The following CPNE9 variants were observed in gnomAD, a reference collection of about 807,000 sequenced individuals.
The protein encoded by CPNE9 is copine-9.
CPNE9 carries 59 observed loss-of-function variants against 83.0 expected under a neutral mutation model. The observed-to-expected ratio is 0.71, with a 90% CI of 0.58 to 0.88. CPNE9 has a LOEUF of 0.88. Ranked by LOEUF, CPNE9 falls within the 40% of genes least tolerant of loss-of-function variation. CPNE9 has a pLI of 0.00. For missense variants in CPNE9, 619 were observed against 720.8 expected (o/e 0.86, Z 1.62); for synonymous variants, 256 against 273.4 (o/e 0.94, Z 0.63).
chr3:9,715,432 T>G, intron 12 of CPNE9, 41 bp from the exon 13 acceptor site: 1 of 1,612,476 alleles, frequency 6.2e-7, no homozygotes, highest in Non-Finnish European at 8.5e-7. Context: ...TGGACCTCCC[T>G]TCCTTTGTTT....
intron 7 of CPNE9, 74 bp downstream of exon 7, chr3:9,706,137 T>G: frequency 1.4e-6 from 2 of 1,456,546 alleles, no homozygotes; most frequent in Non-Finnish European, 1.9e-6. Context: ...TGCCGCTGAC[T>G]GATAGAAGTG....
chr3:9,711,491 A>G (rs1294498934), intron 7 of CPNE9, among the ~76,000 whole-genome samples: 1 of 152,176 alleles, frequency 6.6e-6, no homozygotes, highest in African/African-American at 2.4e-5. Flanking sequence ...TGCTGGGATT[A>G]TAGGCGTGAG....
At chr3:9,714,865 C>G (rs2125467294) in intron 10 of CPNE9, 49 bp from the exon 11 acceptor site, 1 of 1,515,052 alleles carries the variant, frequency 6.6e-7, no homozygotes, top group African/African-American at 1.4e-5. Flanking sequence ...GAGGGTGTCT[C>G]TGGGATTTAT....
intron 6 of CPNE9, 117 bp downstream of exon 6, chr3:9,705,837 C>G (rs1444941174): frequency 8.8e-6 from 12 of 1,358,076 alleles, no homozygotes; most frequent in Middle Eastern, 1.8e-4. Flanking sequence ...TCTTTCACAC[C>G]CCCTCCATTA....
Position 9,704,684 on chromosome 3 carries a change from G to C in CPNE9, c.109+57G>C. On this transcript the variant is annotated intron_variant, in intron 2 of 20. Coordinates refer to ENST00000383832, the MANE Select transcript of CPNE9 (RefSeq NM_153635.3). This position sits in a 1 kb window ranked among gnomAD's most constrained non-coding sequence, Gnocchi z 7.1. ...TGGGGTCTGGGCGCGACTCAGGGGC[G>C]GGTGGAGTCGGGGCCAGGGGTGGGA... The C allele has an allele frequency of 6.2e-7, 1 of 1,609,006 alleles. No individual in the cohort carries two copies. Among genetic ancestry groups the C allele is most frequent in the East Asian group, 2.2e-5 (1 of 44,844 alleles).
chr3:9,716,067 C>T, intron 14 of CPNE9, 32 bp downstream of exon 14: 1 of 1,585,580 alleles, frequency 6.3e-7, no homozygotes, highest in Non-Finnish European at 8.6e-7. Context: ...GGGCTGAAAG[C>T]CCGGCAATAA....
At position 9,707,076 on chromosome 3, in the gene CPNE9, A is replaced by G. The variant is rs147568466; in HGVS notation, c.377+1013A>G. ...GGGTTAAGAATAAACCTTGGGGGCCAGGCGCGGTGGCTCACACCTGTAATC... is the reference window on the plus strand; with the variant it reads ...GGGTTAAGAATAAACCTTGGGGGCCGGGCGCGGTGGCTCACACCTGTAATC... On this transcript the variant is annotated intron_variant, in intron 7 of 20. Transcript: ENST00000383832. Among the ~76,000 whole-genome samples the G allele has an allele frequency of 6.0e-4, 91 of 152,226 alleles. 1 individual carries two copies. Among genetic ancestry groups the G allele is most frequent in the African/African-American group, 1.9e-3 (78 of 41,532 alleles).
intron 16 of CPNE9, 88 bp from the exon 17 acceptor site, chr3:9,718,387 A>C: frequency 3.9e-6 from 6 of 1,529,088 alleles, no homozygotes; most frequent in Non-Finnish European, 4.5e-6. Flanking sequence ...AAAGGGACTG[A>C]TGGAAAAAGG....
intron 4 of CPNE9, 107 bp downstream of exon 4, chr3:9,705,101 G>C: frequency 1.2e-6 from 1 of 822,240 alleles, no homozygotes; most frequent in Non-Finnish European, 2.0e-6. Flanking sequence ...TCTTCTCGCA[G>C]GCCTCCCTCC....
chr3:9,708,170 T>C (rs2076582881), intron 7 of CPNE9, among the ~76,000 whole-genome samples: 1 of 152,222 alleles, frequency 6.6e-6, no homozygotes. Flanking sequence ...CAGGCTGGTC[T>C]TGAACTCCTG....
Position 9,717,118 on chromosome 3 carries a change from G to T in CPNE9, c.931+14G>T, listed in dbSNP as rs766533470. On this transcript the variant is annotated intron_variant, in intron 15 of 20. Coordinates refer to ENST00000383832, the MANE Select transcript of CPNE9 (RefSeq NM_153635.3). Reference sequence around the variant, plus strand: ...CGGCTTCCAATGGTGAGACACGGATGAGTGAAAAAGTCGGAGGTGGGAAGG... The same window carrying T: ...CGGCTTCCAATGGTGAGACACGGATTAGTGAAAAAGTCGGAGGTGGGAAGG... 2 of 1,613,974 alleles carry T rather than the reference G, an allele frequency of 1.2e-6. No individual in the cohort carries two copies. Among genetic ancestry groups the T allele is most frequent in the African/African-American group, 2.7e-5 (2 of 74,926 alleles).
In CPNE9 at chr3:9,719,377, G is replaced by A. The variant is rs564450446; in HGVS notation, c.1241+775G>A. On this transcript the variant is annotated intron_variant, in intron 17 of 20. Coordinates refer to ENST00000383832, the MANE Select transcript of CPNE9 (RefSeq NM_153635.3). ...CCACTGCCTGAGAATGACAAGCTGG[G>A]GCTTGAGTTTGGGTAAGAGAGAGAA... 3.1e-4 allele frequency among the ~76,000 whole-genome samples: 47 copies of A among 152,196 alleles called. 1 individual carries two copies. The South Asian group carries it at 9.7e-3, about 32-fold the overall frequency.
In CPNE9 at chr3:9,712,765, AG is replaced by A. The variant is rs1249941232; in HGVS notation, c.483del (p.Lys162ArgfsTer31). 3.1e-6 allele frequency: 5 copies of A among 1,614,052 alleles called. No homozygotes were observed. Among genetic ancestry groups the A allele is most frequent in the Admixed American group, 1.7e-5 (1 of 60,000 alleles). Reference protein sequence around the residue: ...TMQLCANKLDKKDFFGKSDPF... With the variant: ...TMQLCANKLDXKDFFGKSDPF... Reference sequence around the variant, plus strand: ...CAGCTGTGTGCAAACAAGCTGGACAAGAAGGACTTCTTTGGGAAATCAGACC... The same window carrying A: ...CAGCTGTGTGCAAACAAGCTGGACAAAAGGACTTCTTTGGGAAATCAGACC... On this transcript the variant is annotated frameshift_variant, in exon 9 of 21. Transcript: ENST00000383832. LOFTEE classifies it high-confidence loss of function.
intron 20 of CPNE9, among the ~76,000 whole-genome samples, chr3:9,728,759 C>T (rs376707679): frequency 1.3e-5 from 2 of 151,752 alleles, no homozygotes; most frequent in Non-Finnish European, 1.5e-5. Context: ...CCTCTCCCCC[C>T]ACATCTCATT....
In CPNE9 at chr3:9,729,658, ACC is replaced by A. The variant is rs778068265; in HGVS notation, c.1631_1632del (p.Pro544GlnfsTer31). ...CAGCCTCGGCCCCCACCCCCTGCCA[ACC>A]CCAGCCCGATCCCAGCTCCAGAGCA... On this transcript the variant is annotated frameshift_variant, in exon 21 of 21. Transcript: ENST00000383832. LOFTEE classifies it high-confidence loss of function. 3.1e-5 allele frequency: 50 copies of A among 1,613,726 alleles called. No individual in the cohort carries two copies. The highest frequency in any genetic ancestry group is 4.0e-5 in the Non-Finnish European group (47 of 1,179,860).
chr3:9,707,287 A>G lies in CPNE9; in HGVS notation c.377+1224A>G, dbSNP rs146184660. Among the ~76,000 whole-genome samples the G allele has an allele frequency of 9.9e-4, 134 of 135,192 alleles. 3 individuals carry two copies. In the East Asian group the frequency reaches 0.028, roughly 29 times the overall value. The allele number at this position is 135,192 out of a possible 152,430, so 88.7% of individuals were successfully genotyped here. A position where few individuals can be genotyped will look rare whatever the true frequency, so the allele number is the denominator to read the frequency against. ...AGAATGGCGTGAACCTGGGAGGTGG[A>G]GCTTGCAGTGAGCTGAGATTGTGCC... On this transcript the variant is annotated intron_variant, in intron 7 of 20. Transcript: ENST00000383832.
intron 10 of CPNE9, 132 bp from the exon 11 acceptor site, chr3:9,714,782 G>T (rs1474615860): frequency 2.7e-6 from 2 of 744,886 alleles, no homozygotes; most frequent in Non-Finnish European, 4.5e-6. Flanking sequence ...TGGGAGGCAG[G>T]TTGAAAGATG....
At chr3:9,715,737 G>GA (rs551221635) in intron 13 of CPNE9, among the ~76,000 whole-genome samples, 2 of 151,984 alleles carry the variant, frequency 1.3e-5, no homozygotes, top group African/African-American at 2.4e-5. Flanking sequence ...CAGAATAAAA[G>GA]AAAAAAACCT....
rs144469531 is a variant in CPNE9 at position 9,715,226 on chromosome 3, T to C, written c.693-63T>C. The C allele has an allele frequency of 3.7e-4, 567 of 1,541,592 alleles. 3 individuals carry two copies. The highest frequency in any genetic ancestry group is 2.2e-5 in the Non-Finnish European group (25 of 1,116,592). On this transcript the variant is annotated intron_variant, in intron 11 of 20. Coordinates refer to ENST00000383832, the MANE Select transcript of CPNE9 (RefSeq NM_153635.3). ...GCTTAGGATAGGAGGAATAAAAGACTGGGTTCAGCTCTGGTTCCAAACCAG... is the reference window on the plus strand; with the variant it reads ...GCTTAGGATAGGAGGAATAAAAGACCGGGTTCAGCTCTGGTTCCAAACCAG...
Sources: gnomAD v4.1 joint callset for allele counts (sites outside exome capture counted in the v4.1 genomes callset) on GRCh38, gnomAD v4.1.1 for gene constraint, Gnocchi (gnomAD v3.1) non-coding constraint, MANE v1.5 for transcripts, NCBI Gene and HGNC (gene_info 2026-07-23, HGNC 2026-07-21) for gene names.